SORCS2: variants seen among roughly 807,000 people sequenced by gnomAD.
The protein encoded by SORCS2 is VPS10 domain-containing receptor SorCS2.
SORCS2 carries 100 observed loss-of-function variants against 141.6 expected under a neutral mutation model. The observed-to-expected ratio is 0.71, with a 90% confidence interval of 0.60 to 0.83. SORCS2 has a LOEUF of 0.83. Ranked by LOEUF, SORCS2 falls within the 40% of genes least tolerant of loss-of-function variation. The pLI, the probability that SORCS2 is intolerant of heterozygous loss-of-function variation, is 0.00. For missense variants in SORCS2, 1,646 were observed against 1,560.2 expected (o/e 1.05, Z -0.93); for synonymous variants, 789 against 676.9 (o/e 1.17, Z -2.57).
intron 17 of SORCS2, among the ~76,000 whole-genome samples, chr4:7,716,284 G>A (rs1433344027): frequency 6.6e-6 from 1 of 152,174 alleles, no homozygotes; most frequent in African/African-American, 2.4e-5. Flanking sequence ...AGAAATTGCA[G>A]GCTTTGGCCT....
chr4:7,464,782 A>G (rs1378353022), intron 2 of SORCS2, among the ~76,000 whole-genome samples: 2 of 152,194 alleles, frequency 1.3e-5, no homozygotes, highest in South Asian at 2.1e-4. Context: ...TTCCGGCACT[A>G]TGGAATGTAC....
chr4:7,497,434 G>A (rs544555043), intron 2 of SORCS2, among the ~76,000 whole-genome samples: 1 of 147,166 alleles, frequency 6.8e-6, no homozygotes, highest in South Asian at 2.1e-4. Flanking sequence ...ACCCAGTGAA[G>A]GGTGAGGCTG....
At chr4:7,693,806 C>T (rs1724413296) in intron 11 of SORCS2, among the ~76,000 whole-genome samples, 1 of 152,230 alleles carries the variant, frequency 6.6e-6, no homozygotes, top group African/African-American at 2.4e-5. Context: ...TTTGGCGACT[C>T]GGCCAGTCAA....
In SORCS2 at chr4:7,675,495, G is replaced by A. The variant is rs543353898; in HGVS notation, c.1162-555G>A. 3.3e-5 allele frequency among the ~76,000 whole-genome samples: 5 copies of A among 152,350 alleles called. No homozygotes were observed. The South Asian group carries it at 6.2e-4, about 19-fold the overall frequency. On this transcript the variant is annotated intron_variant, in intron 8 of 26. Transcript: ENST00000507866. ...GTGGATGAATCCACGGTGCCTCCCT[G>A]CAGGTCGCAGAGGACAGGGCCACAC...
chr4:7,448,311 C>T (rs564314952), intron 2 of SORCS2, among the ~76,000 whole-genome samples: 1 of 152,110 alleles, frequency 6.6e-6, no homozygotes, highest in Admixed American at 6.5e-5. Flanking sequence ...TGCTTAGGGC[C>T]CTGCGCCGGC....
At chr4:7,608,433 G>A (rs1718195098) in intron 3 of SORCS2, among the ~76,000 whole-genome samples, 1 of 152,190 alleles carries the variant, frequency 6.6e-6, no homozygotes, top group African/African-American at 2.4e-5. Flanking sequence ...CATACCAGGG[G>A]CCATCTCTGT....
chr4:7,384,644 C>T (rs986206996), intron 1 of SORCS2, among the ~76,000 whole-genome samples: 7 of 152,246 alleles, frequency 4.6e-5, no homozygotes, highest in Non-Finnish European at 1.0e-4. Context: ...CGGCTCCACC[C>T]AAGACCCTTC....
At chr4:7,677,783 C>T (rs549069531) in intron 9 of SORCS2, among the ~76,000 whole-genome samples, 5 of 152,296 alleles carry the variant, frequency 3.3e-5, no homozygotes, top group South Asian at 2.1e-4. Flanking sequence ...CCCCAGCAGA[C>T]GATGCAGATG....
At chr4:7,721,951 G>C (rs1726615508) in intron 18 of SORCS2, among the ~76,000 whole-genome samples, 1 of 152,200 alleles carries the variant, frequency 6.6e-6, no homozygotes, top group Non-Finnish European at 1.5e-5. Context: ...ACCAGGATGT[G>C]AATGGAGGGT....
intron 1 of SORCS2, among the ~76,000 whole-genome samples, chr4:7,258,725 G>A (rs1039866180): frequency 7.9e-5 from 12 of 152,306 alleles, no homozygotes; most frequent in African/African-American, 2.9e-4. Context: ...TAGCCACACT[G>A]TCTTCCACAA....
chr4:7,275,073 G>A lies in SORCS2; in HGVS notation c.480+81947G>A, dbSNP rs571243567. Among the ~76,000 whole-genome samples the A allele has an allele frequency of 3.3e-5, 5 of 152,308 alleles. No individual in the cohort carries two copies. The East Asian group carries it at 5.8e-4, about 18-fold the overall frequency. ...GCCTTTTCTGTTAATGATTTTTGATGAGAATCTCTCCAAAATGCATCATAT... is the reference window on the plus strand; with the variant it reads ...GCCTTTTCTGTTAATGATTTTTGATAAGAATCTCTCCAAAATGCATCATAT... On this transcript the variant is annotated intron_variant, in intron 1 of 26. Coordinates refer to ENST00000507866, the MANE Select transcript of SORCS2 (RefSeq NM_020777.3).
At chr4:7,456,471 A>T (rs1451897139) in intron 2 of SORCS2, among the ~76,000 whole-genome samples, 7 of 150,138 alleles carry the variant, frequency 4.7e-5, no homozygotes, top group Admixed American at 2.0e-4. Flanking sequence ...ATAAGCCTGA[A>T]GGGTGAGAGG....
At chr4:7,506,569 G>A (rs41420347) in intron 2 of SORCS2, among the ~76,000 whole-genome samples, 38,497 of 151,630 alleles carry the variant, frequency 0.25, 5,445 homozygotes, top group South Asian at 0.4. Context: ...AGTGGAACCC[G>A]TAAGTCACAA....
At chr4:7,556,397 G>A (rs113269937) in intron 3 of SORCS2, among the ~76,000 whole-genome samples, 5,278 of 152,094 alleles carry the variant, frequency 0.035, 213 homozygotes, top group African/African-American at 0.095. Context: ...GGAGACACTC[G>A]CGCAGCCTCT....
intron 2 of SORCS2, chr4:7,434,059 G>A (rs1208369604): frequency 3.1e-6 from 5 of 1,611,264 alleles, no homozygotes; most frequent in Non-Finnish European, 2.5e-6. Context: ...CAGCTCCAGG[G>A]AGGGGACCCC....
chr4:7,486,159 C>T (rs1176496697), intron 2 of SORCS2, among the ~76,000 whole-genome samples: 1 of 152,148 alleles, frequency 6.6e-6, no homozygotes, highest in Non-Finnish European at 1.5e-5. Context: ...GCAGCACCTG[C>T]CTCCTGAGGC....
At chr4:7,412,780 C>G (rs762228316) in intron 2 of SORCS2, among the ~76,000 whole-genome samples, 2 of 152,052 alleles carry the variant, frequency 1.3e-5, no homozygotes, top group Non-Finnish European at 2.9e-5. Flanking sequence ...CTCAGCTGTC[C>G]TTTCCCCATG....
intron 17 of SORCS2, among the ~76,000 whole-genome samples, chr4:7,716,069 G>C (rs1451460252): frequency 6.6e-6 from 1 of 151,946 alleles, no homozygotes; most frequent in East Asian, 1.9e-4. Context: ...CTGCTATGAA[G>C]GATTCAATTC....
At chr4:7,577,411 GC>G (rs1336380778) in intron 3 of SORCS2, among the ~76,000 whole-genome samples, 6 of 151,986 alleles carry the variant, frequency 3.9e-5, no homozygotes, top group Non-Finnish European at 7.4e-5. Context: ...GTCAGCTAGT[GC>G]CATGGTTTGG....
Sources: gnomAD v4.1 joint callset for allele counts (sites outside exome capture counted in the v4.1 genomes callset) on GRCh38, gnomAD v4.1.1 for gene constraint, MANE v1.5 for transcripts, NCBI Gene and HGNC (gene_info 2026-07-23, HGNC 2026-07-21) for gene names.